The following BRD10 variants were observed in gnomAD, a reference collection of about 807,000 sequenced individuals.
The protein encoded by BRD10 is bromodomain containing 10.
At chr9:5,985,505 G>A in the BRD10 span, among the ~76,000 whole-genome samples, 1 of 152,150 alleles carries the variant, frequency 6.6e-6, no homozygotes, top group South Asian at 2.1e-4. Context: ...AGAATTCTTG[G>A]CTGGGCACGG....
At chr9:5,883,214 CAT>C in the BRD10 span, among the ~76,000 whole-genome samples, 7 of 152,110 alleles carry the variant, frequency 4.6e-5, no homozygotes, top group Admixed American at 1.3e-4. Flanking sequence ...TAAATATGCA[CAT>C]AGTTTGCTGT....
At chr9:5,967,682 T>C in the BRD10 span, among the ~76,000 whole-genome samples, 1 of 120,632 alleles carries the variant, frequency 8.3e-6, no homozygotes, top group South Asian at 3.0e-4. Flanking sequence ...TACACTGTAC[T>C]GCCCTTAGCC....
chr9:5,922,608 T>C, the BRD10 span: 4 of 1,613,986 alleles, frequency 2.5e-6, no homozygotes, highest in Non-Finnish European at 3.4e-6. Flanking sequence ...TCTGTACCTT[T>C]CTGTTGAAGT....
chr9:5,947,913 G>A, the BRD10 span, among the ~76,000 whole-genome samples: 1 of 152,062 alleles, frequency 6.6e-6, no homozygotes. Context: ...TTTGAAAAAC[G>A]TATCTGAGGC....
At chr9:5,928,409 A>T in the BRD10 span, among the ~76,000 whole-genome samples, 1 of 152,188 alleles carries the variant, frequency 6.6e-6, no homozygotes, top group Non-Finnish European at 1.5e-5. Context: ...TTCCCTGCTT[A>T]AAACCCTTCA....
chr9:5,977,574 G>A, the BRD10 span, among the ~76,000 whole-genome samples: 7 of 152,176 alleles, frequency 4.6e-5, no homozygotes, highest in South Asian at 2.1e-4. Flanking sequence ...GTGGCTGGGC[G>A]CAGTGGCTCA....
chr9:5,916,127 GACA>G, the BRD10 span, among the ~76,000 whole-genome samples: 3 of 152,180 alleles, frequency 2.0e-5, no homozygotes, highest in African/African-American at 7.2e-5. Context: ...TGGGGCAGAT[GACA>G]ACATTATAGT....
chr9:5,936,590 A>C, the BRD10 span, among the ~76,000 whole-genome samples: 1 of 152,228 alleles, frequency 6.6e-6, no homozygotes, highest in East Asian at 1.9e-4. Context: ...TTTTCCTTCA[A>C]TATATGATGT....
chr9:5,923,640 C>T, the BRD10 span, among the ~76,000 whole-genome samples: 9 of 152,136 alleles, frequency 5.9e-5, no homozygotes, highest in African/African-American at 2.2e-4. Context: ...ACAATCAGGG[C>T]TCAGAATTTA....
the BRD10 span, chr9:5,924,717 C>T: frequency 1.2e-6 from 2 of 1,600,586 alleles, no homozygotes; most frequent in Admixed American, 1.7e-5. Flanking sequence ...TATAGACTTA[C>T]TGATTTCTCC....
chr9:5,992,252 C>G, the BRD10 span, among the ~76,000 whole-genome samples: 1 of 152,154 alleles, frequency 6.6e-6, no homozygotes, highest in South Asian at 2.1e-4. Context: ...ATCATGCCCT[C>G]AAACTGTGCC....
chr9:5,908,771 TAC>T, the BRD10 span: 1 of 1,439,044 alleles, frequency 6.9e-7, no homozygotes, highest in South Asian at 1.1e-5. Context: ...TTGAATTTAA[TAC>T]AGACATCTAA....
the BRD10 span, chr9:5,919,731 C>T: frequency 6.2e-7 from 1 of 1,612,704 alleles, no homozygotes; most frequent in South Asian, 1.1e-5. Context: ...GACTGAAAAG[C>T]AGGGAAGACA....
At chr9:5,965,641 T>C in the BRD10 span, among the ~76,000 whole-genome samples, 6 of 152,242 alleles carry the variant, frequency 3.9e-5, 1 homozygote, top group Non-Finnish European at 8.8e-5. Context: ...ATAATGCCCT[T>C]CTGAAATCTG....
At chr9:5,959,514 G>A in the BRD10 span, among the ~76,000 whole-genome samples, 1 of 152,146 alleles carries the variant, frequency 6.6e-6, no homozygotes, top group African/African-American at 2.4e-5. Flanking sequence ...AGCACTCAAT[G>A]AGTACTCGGT....
chr9:5,927,112 A>T, the BRD10 span, among the ~76,000 whole-genome samples: 35 of 152,290 alleles, frequency 2.3e-4, no homozygotes, highest in African/African-American at 7.9e-4. Flanking sequence ...CTATGTGGGG[A>T]TAGTATAAAG....
At chr9:6,007,885 G>GT in the BRD10 span, 1 of 1,368,996 alleles carries the variant, frequency 7.3e-7, no homozygotes, top group Non-Finnish European at 9.4e-7. Context: ...GCCGCGGCGC[G>GT]TAGCCCCCGC....
chr9:5,966,138 C>G, the BRD10 span, among the ~76,000 whole-genome samples: 1 of 152,132 alleles, frequency 6.6e-6, no homozygotes, highest in African/African-American at 2.4e-5. Context: ...TTCTTTTCTT[C>G]TATTTCATGC....
chr9:5,909,495 T>G, the BRD10 span: 3 of 152,262 alleles, frequency 2.0e-5, no homozygotes, highest in Non-Finnish European at 1.5e-5. Flanking sequence ...TGACCTCAGG[T>G]GATCTGCCCG....
Sources: gnomAD v4.1 joint callset for allele counts (sites outside exome capture counted in the v4.1 genomes callset) on GRCh38, gnomAD v4.1.1 for gene constraint, MANE v1.5 for transcripts, NCBI Gene and HGNC (gene_info 2026-07-23, HGNC 2026-07-21) for gene names.